Variants in CHEK2 observed in about 807,000 individuals in gnomAD.
The protein encoded by CHEK2 is checkpoint kinase 2.
Under a neutral mutation model 69.1 loss-of-function variants are expected in CHEK2, and 71 were observed. That is an observed-to-expected ratio of 1.03 (90% confidence interval 0.85 to 1.25). The LOEUF is 1.25. Ranked by LOEUF, CHEK2 falls within the 50% of genes most tolerant of loss-of-function variation. CHEK2 has a pLI of 0.00. For synonymous variants in CHEK2, 189 were observed against 226.9 expected (o/e 0.83, Z 1.50); for missense variants, 664 against 649.6 (o/e 1.02, Z -0.24).
chr22:28,700,211 C>CTTTTTT (rs1188199517), intron 8 of CHEK2, among the ~76,000 whole-genome samples: 1 of 128,030 alleles, frequency 7.8e-6, no homozygotes, highest in African/African-American at 2.9e-5. Context: ...CCAGGAGTTG[C>CTTTTTT]TTTTTTTTTT....
intron 2 of CHEK2, among the ~76,000 whole-genome samples, chr22:28,728,907 G>A (rs1209297272): frequency 2.6e-5 from 4 of 151,950 alleles, no homozygotes; most frequent in Non-Finnish European, 5.9e-5. Flanking sequence ...GAGCCTGGGA[G>A]GTCAAGCCTG....
At chr22:28,733,368 A>G (rs1255015084) in intron 2 of CHEK2, among the ~76,000 whole-genome samples, 1 of 152,182 alleles carries the variant, frequency 6.6e-6, no homozygotes, top group African/African-American at 2.4e-5. Flanking sequence ...TTCTAGGAAG[A>G]GGGTCCAAAG....
At chr22:28,724,937 G>C in intron 4 of CHEK2, 40 bp downstream of exon 4, 3 of 1,523,128 alleles carry the variant, frequency 2.0e-6, no homozygotes, top group Non-Finnish European at 2.7e-6. Flanking sequence ...TGAGAGAGTG[G>C]AAAAAAAAAA....
chr22:28,705,580 A>G (rs1462794265), intron 7 of CHEK2, among the ~76,000 whole-genome samples: 2 of 152,200 alleles, frequency 1.3e-5, no homozygotes, highest in Non-Finnish European at 2.9e-5. Flanking sequence ...TATAAGATTC[A>G]GAAACAAGCA....
At position 28,724,616 on chromosome 22, in the gene CHEK2, G is replaced by A. The variant is rs147668316; in HGVS notation, c.592+361C>T. The A allele has an allele frequency of 4.7e-3, 1,551 of 332,658 alleles. 23 individuals carry two copies. Among genetic ancestry groups the A allele is most frequent in the African/African-American group, 0.028 (1,322 of 46,770 alleles). 20.6% of individuals were successfully genotyped at this position (332,658 alleles called of 1,614,324 possible). On this transcript the variant is annotated intron_variant, in intron 4 of 14. Coordinates refer to ENST00000404276, the MANE Select transcript of CHEK2 (RefSeq NM_007194.4). ...AGTTTCACTCTTGTTGCCCAGGCTA[G>A]AGTGCAATGGCACGATCTTGGCTCA...
Position 28,725,984 on chromosome 22 carries a change from C to T in CHEK2, c.320-617G>A, listed in dbSNP as rs984617085. 1.1e-4 allele frequency among the ~76,000 whole-genome samples: 17 copies of T among 150,630 alleles called. No homozygotes were observed. The East Asian group carries it at 3.1e-3, about 28-fold the overall frequency. Reference sequence around the variant, plus strand: ...CTTTGGGAGGCTGAGACGAATGGATCACGAGGTCAGGAGTTCAAGACCAGC... The same window carrying T: ...CTTTGGGAGGCTGAGACGAATGGATTACGAGGTCAGGAGTTCAAGACCAGC... On this transcript the variant is annotated intron_variant, in intron 2 of 14. Coordinates refer to ENST00000404276, the MANE Select transcript of CHEK2 (RefSeq NM_007194.4).
At chr22:28,688,105 C>T in intron 14 of CHEK2, 119 bp from the exon 15 acceptor site, 2 of 784,558 alleles carry the variant, frequency 2.5e-6, no homozygotes, top group African/African-American at 1.7e-5. Flanking sequence ...AATTCTAGAA[C>T]CAAAAATTAC....
intron 7 of CHEK2, among the ~76,000 whole-genome samples, chr22:28,703,853 C>A (rs1015991356): frequency 9.9e-5 from 15 of 152,168 alleles, no homozygotes; most frequent in Admixed American, 9.2e-4. Flanking sequence ...TCTTCCCAGT[C>A]TTCTTCCTCA....
rs556633256 is a variant in CHEK2, at chr22:28,699,999, C to T, written c.909-62G>A. On this transcript the variant is annotated intron_variant, in intron 8 of 14. Coordinates refer to ENST00000404276, the MANE Select transcript of CHEK2 (RefSeq NM_007194.4). ...GGGGAAAACGCACTTGGACAGAAGACAATAAAACAACAAAACAAATTCATT... is the reference window on the plus strand; with the variant it reads ...GGGGAAAACGCACTTGGACAGAAGATAATAAAACAACAAAACAAATTCATT... 5 of 1,079,986 alleles carry T rather than the reference C, an allele frequency of 4.6e-6. No homozygotes were observed. The South Asian group carries it at 6.8e-5, about 15-fold the overall frequency. The allele number at this position is 1,079,986 out of a possible 1,614,324, so 66.9% of individuals were successfully genotyped here.
intron 2 of CHEK2, among the ~76,000 whole-genome samples, chr22:28,730,111 T>C (rs1443112048): frequency 6.7e-6 from 1 of 149,284 alleles, no homozygotes; most frequent in Admixed American, 6.8e-5. Context: ...CCAAAGTGCT[T>C]GGATTACAGG....
rs768632125 is a variant in CHEK2 at position 28,699,988 on chromosome 22, TG to T, written c.909-52del. On this transcript the variant is annotated intron_variant, in intron 8 of 14. Coordinates refer to ENST00000404276, the MANE Select transcript of CHEK2 (RefSeq NM_007194.4). Reference sequence around the variant, plus strand: ...GTTCATTCCTGGGGGAAAACGCACTTGGACAGAAGACAATAAAACAACAAAA... The same window carrying T: ...GTTCATTCCTGGGGGAAAACGCACTTGACAGAAGACAATAAAACAACAAAA... 2.5e-6 allele frequency: 3 copies of T among 1,218,734 alleles called. No homozygotes were observed. The Admixed American group carries it at 5.8e-5, about 24-fold the overall frequency. 75.5% of individuals were successfully genotyped at this position (1,218,734 alleles called of 1,614,324 possible).
At chr22:28,706,054 G>A (rs942788917) in intron 7 of CHEK2, among the ~76,000 whole-genome samples, 3 of 152,036 alleles carry the variant, frequency 2.0e-5, no homozygotes, top group African/African-American at 7.3e-5. Context: ...AGCCCTTTGG[G>A]AGGCTGAAGC....
chr22:28,739,650 C>T (rs1373668477), intron 1 of CHEK2, among the ~76,000 whole-genome samples: 1 of 152,004 alleles, frequency 6.6e-6, no homozygotes, highest in Non-Finnish European at 1.5e-5. Flanking sequence ...AATCGCGCCA[C>T]TGCATTCCAG....
chr22:28,740,296 C>CT (rs1285120341), intron 1 of CHEK2, among the ~76,000 whole-genome samples: 1 of 152,164 alleles, frequency 6.6e-6, no homozygotes, highest in African/African-American at 2.4e-5. Flanking sequence ...AAGAGCAGGA[C>CT]TTTATTAGGT....
intron 4 of CHEK2, among the ~76,000 whole-genome samples, chr22:28,723,958 T>G (rs2053895859): frequency 6.8e-6 from 1 of 147,652 alleles, no homozygotes; most frequent in Non-Finnish European, 1.5e-5. Context: ...AAGAAAAAAA[T>G]GAATGGAAAA....
chr22:28,718,402 A>G (rs1569148531), intron 5 of CHEK2, among the ~76,000 whole-genome samples: 1 of 152,194 alleles, frequency 6.6e-6, no homozygotes, highest in Non-Finnish European at 1.5e-5. Flanking sequence ...TAATTACCAT[A>G]TGATCCAGCA....
rs587781960 is a variant in CHEK2, at chr22:28,689,164, A to T, written c.1513T>A (p.Ser505Thr). The part of the protein sequence containing the change: ...FQDLLSEENE[S>T]TALPQVLAQP... ...GCTAGAACCTGGGGTAGAGCTGTGG[A>T]TTCATTTTCCTCAGACAGAAGATCT... Residue 505 changes from serine to threonine, a missense_variant, in exon 14 of 15, where the codon TCC (serine) becomes ACC (threonine). Coordinates refer to ENST00000404276, the MANE Select transcript of CHEK2 (RefSeq NM_007194.4). 44 of 1,595,378 alleles carry T rather than the reference A, an allele frequency of 2.8e-5. No individual in the cohort carries two copies. The East Asian group carries it at 7.8e-4, about 28-fold the overall frequency.
At chr22:28,712,295 C>T (rs1320469555) in intron 5 of CHEK2, 2 of 435,622 alleles carry the variant, frequency 4.6e-6, no homozygotes, top group African/African-American at 2.0e-5. Context: ...CAGAAAGATA[C>T]TAAGAGAAAA....
intron 7 of CHEK2, among the ~76,000 whole-genome samples, chr22:28,706,571 A>G (rs1015817853): frequency 1.3e-5 from 2 of 152,144 alleles, no homozygotes; most frequent in Non-Finnish European, 1.5e-5. Flanking sequence ...AGCTTCCCAA[A>G]GTGCTGGGAT....
Sources: allele counts gnomAD v4.1 joint callset (sites outside exome capture counted in the v4.1 genomes callset), GRCh38; gene constraint gnomAD v4.1.1; transcripts MANE v1.5; gene names NCBI Gene and HGNC (gene_info 2026-07-23, HGNC 2026-07-21).